COL14A1: variants seen among roughly 807,000 people sequenced by gnomAD.
The protein encoded by COL14A1 is collagen type XIV alpha 1 chain.
A neutral mutation model predicts 230.3 loss-of-function variants in COL14A1; 136 were observed. The observed-to-expected ratio is 0.59, with a 90% CI of 0.51 to 0.68. The LOEUF is 0.68. Among genes scored for constraint, COL14A1 ranks in the 30% least tolerant of loss-of-function variants. The pLI is 0.00. For synonymous variants in COL14A1, 792 were observed against 784.1 expected (o/e 1.01, Z -0.17); for missense variants, 1,976 against 2,215.8 (o/e 0.89, Z 2.17).
chr8:120,127,829 G>A (rs534146555), intron 1 of COL14A1, among the ~76,000 whole-genome samples: 1 of 152,310 alleles, frequency 6.6e-6, no homozygotes, highest in Admixed American at 6.5e-5. Context: ...CCTGTCTAGT[G>A]TAACCTAAGA....
At chr8:120,208,492 A>T (rs1586767353) in intron 11 of COL14A1, 131 bp downstream of exon 11, 1 of 1,035,104 alleles carries the variant, frequency 9.7e-7, no homozygotes, top group Non-Finnish European at 1.4e-6. Context: ...CATAGAAGAC[A>T]TTTGTCGTGC....
At position 120,168,220 on chromosome 8, in the gene COL14A1, A is replaced by G; in HGVS notation, c.409A>G (p.Asn137Asp). 1 of 1,612,278 alleles carries G rather than the reference A, an allele frequency of 6.2e-7. No homozygotes were observed. Among genetic ancestry groups the G allele is most frequent in the Non-Finnish European group, 8.5e-7 (1 of 1,178,918 alleles). Reference sequence around the variant, plus strand: ...CAGAGTCAAAGTTGTGGACAGAGGAAATGGGAGTAGACCATCTTCACCAGA... The same window carrying G: ...CAGAGTCAAAGTTGTGGACAGAGGAGATGGGAGTAGACCATCTTCACCAGA... ...KPRVKVVDRG[N>D]GSRPSSPEEV... Residue 137 changes from asparagine to aspartate, a missense_variant, in exon 5 of 48, where the codon AAT (asparagine) becomes GAT (aspartate). Around this residue, in one of 3 missense-constraint regions of COL14A1, gnomAD observed 181 missense variants for 178.6 expected, o/e 1.01. Coordinates refer to ENST00000297848, the MANE Select transcript of COL14A1 (RefSeq NM_021110.4).
At chr8:120,160,941 C>T (rs2130535902) in intron 3 of COL14A1, among the ~76,000 whole-genome samples, 1 of 152,226 alleles carries the variant, frequency 6.6e-6, no homozygotes, top group African/African-American at 2.4e-5. Context: ...TAAAATAATA[C>T]ACTCCATAAC....
chr8:120,262,244 G>A (rs1035239143), intron 23 of COL14A1, among the ~76,000 whole-genome samples: 2 of 151,992 alleles, frequency 1.3e-5, no homozygotes, highest in Admixed American at 6.6e-5. Flanking sequence ...AGGCTGAGGC[G>A]GGTGGATCAT....
chr8:120,253,646 G>A (rs1367898436), intron 22 of COL14A1, among the ~76,000 whole-genome samples: 1 of 152,146 alleles, frequency 6.6e-6, no homozygotes, highest in African/African-American at 2.4e-5. Context: ...AATCAGGGCC[G>A]GGTGCAGTGG....
chr8:120,184,148 A>G (rs1816567056), intron 5 of COL14A1, among the ~76,000 whole-genome samples: 1 of 152,032 alleles, frequency 6.6e-6, no homozygotes, highest in Admixed American at 6.6e-5. Context: ...ATAATTATTA[A>G]TATAAAAAAG....
chr8:120,218,127 A>T (rs1409134946), intron 14 of COL14A1, among the ~76,000 whole-genome samples: 2 of 138,800 alleles, frequency 1.4e-5, no homozygotes, highest in Admixed American at 1.5e-4. Context: ...TATCTATATA[A>T]AAATATATAA....
In COL14A1 at chr8:120,342,090, T is replaced by C. The variant is rs4143484; in HGVS notation, c.4822-290T>C. Among the ~76,000 whole-genome samples the C allele has an allele frequency of 0.53, 80,875 of 152,110 alleles. 22,969 individuals are homozygous for C. Among genetic ancestry groups the C allele is most frequent in the African/African-American group, 0.75 (31,275 of 41,490 alleles). ...AAGCTCTAAAGAGCTATATATCACGTGTTAAATATATATGGGTTTGTTTCA... is the reference window on the plus strand; with the variant it reads ...AAGCTCTAAAGAGCTATATATCACGCGTTAAATATATATGGGTTTGTTTCA... On this transcript the variant is annotated intron_variant, in intron 43 of 47. Coordinates refer to ENST00000297848, the MANE Select transcript of COL14A1 (RefSeq NM_021110.4).
At chr8:120,142,612 G>A (rs1371148144) in intron 1 of COL14A1, among the ~76,000 whole-genome samples, 1 of 152,196 alleles carries the variant, frequency 6.6e-6, no homozygotes, top group African/African-American at 2.4e-5. Flanking sequence ...GGAATTTCCA[G>A]TATGTGAATT....
Position 120,147,944 on chromosome 8 carries a change from T to G in COL14A1, c.88+14T>G. 1 of 1,591,746 alleles carries G rather than the reference T, an allele frequency of 6.3e-7. No homozygotes were observed. Among genetic ancestry groups the G allele is most frequent in the Non-Finnish European group, 8.6e-7 (1 of 1,160,384 alleles). On this transcript the variant is annotated intron_variant, in intron 2 of 47. Coordinates refer to ENST00000297848, the MANE Select transcript of COL14A1 (RefSeq NM_021110.4). ...TCCAAGGTCAAGGTAATTGAAAACTTTGAGAATCAGTAGGGTCTGGGACTC... is the reference window on the plus strand; with the variant it reads ...TCCAAGGTCAAGGTAATTGAAAACTGTGAGAATCAGTAGGGTCTGGGACTC...
chr8:120,199,569 A>G lies in COL14A1; in HGVS notation c.877+3A>G. 7 of 1,610,192 alleles carry G rather than the reference A, an allele frequency of 4.3e-6. No homozygotes were observed. The highest frequency in any genetic ancestry group is 1.1e-5 in the South Asian group (1 of 90,022). On this transcript the variant is annotated splice_donor_region_variant and intron_variant, in intron 8 of 47. Transcript: ENST00000297848. Reference sequence around the variant, plus strand: ...TGGTGTAGAACTGTTTGCCATAGGTATGTGCTCTTTATAGTCTTGTTTCAA... The same window carrying G: ...TGGTGTAGAACTGTTTGCCATAGGTGTGTGCTCTTTATAGTCTTGTTTCAA...
Position 120,207,109 on chromosome 8 carries a change from G to A in COL14A1, c.1191+15G>A, listed in dbSNP as rs762242787. On this transcript the variant is annotated intron_variant, in intron 10 of 47. Coordinates refer to ENST00000297848, the MANE Select transcript of COL14A1 (RefSeq NM_021110.4). ...AACCAGACGAGGTAATAAGGAGAGAGTATTTTCAAACCATTCTTTTTATTC... is the reference window on the plus strand; with the variant it reads ...AACCAGACGAGGTAATAAGGAGAGAATATTTTCAAACCATTCTTTTTATTC... The A allele has an allele frequency of 3.8e-6, 6 of 1,598,870 alleles. No individual in the cohort carries two copies. The Admixed American group carries it at 7.0e-5, about 19-fold the overall frequency.
At chr8:120,186,019 C>G (rs1327587062) in intron 5 of COL14A1, among the ~76,000 whole-genome samples, 1 of 152,112 alleles carries the variant, frequency 6.6e-6, no homozygotes, top group African/African-American at 2.4e-5. Context: ...GTGATCCACC[C>G]ACCTCAGCCT....
chr8:120,323,077 G>C (rs1821514913), intron 40 of COL14A1, among the ~76,000 whole-genome samples: 1 of 151,948 alleles, frequency 6.6e-6, no homozygotes, highest in Non-Finnish European at 1.5e-5. Flanking sequence ...TTTTTGTTTA[G>C]TTTTGTTTTT....
At chr8:120,235,510 C>T (rs1223053375) in intron 19 of COL14A1, among the ~76,000 whole-genome samples, 1 of 152,048 alleles carries the variant, frequency 6.6e-6, no homozygotes, top group Non-Finnish European at 1.5e-5. Flanking sequence ...TCTCTCTTTT[C>T]TTCTTTATTA....
At chr8:120,324,393 T>C (rs1016942215) in intron 40 of COL14A1, among the ~76,000 whole-genome samples, 5 of 152,216 alleles carry the variant, frequency 3.3e-5, no homozygotes, top group South Asian at 2.1e-4. Flanking sequence ...AATGCAAGGA[T>C]TGATCCCGGA....
intron 5 of COL14A1, among the ~76,000 whole-genome samples, chr8:120,195,239 T>C (rs1200753955): frequency 1.3e-5 from 2 of 151,866 alleles, no homozygotes; most frequent in African/African-American, 2.4e-5. Flanking sequence ...ACCATAATAG[T>C]TCAACTATTT....
At chr8:120,291,083 C>T (rs1820361168) in intron 34 of COL14A1, among the ~76,000 whole-genome samples, 1 of 152,114 alleles carries the variant, frequency 6.6e-6, no homozygotes, top group South Asian at 2.1e-4. Context: ...CTTGTCTCCT[C>T]CTAATGTGTG....
intron 36 of COL14A1, among the ~76,000 whole-genome samples, chr8:120,306,220 A>T (rs929318747): frequency 6.6e-6 from 1 of 152,120 alleles, no homozygotes; most frequent in African/African-American, 2.4e-5. Flanking sequence ...ACATGTTTAT[A>T]GCAGGAGGGT....
Sources: allele counts gnomAD v4.1 joint callset (sites outside exome capture counted in the v4.1 genomes callset), GRCh38; gene constraint gnomAD v4.1.1; regional missense constraint gnomAD v4.1.1; transcripts MANE v1.5; gene names NCBI Gene and HGNC (gene_info 2026-07-23, HGNC 2026-07-21).